The following WIPI2 variants were observed in gnomAD, a reference collection of about 807,000 sequenced individuals.
WIPI2 encodes WD repeat domain phosphoinositide-interacting protein 2.
In WIPI2, 28 loss-of-function variants were observed where a neutral mutation model predicts 52.3. The observed-to-expected ratio is 0.54, with a 90% CI of 0.40 to 0.73. The LOEUF (loss-of-function observed/expected upper bound fraction) is 0.73, where lower values mean the gene tolerates loss of function less well. Among genes scored for constraint, WIPI2 ranks in the 30% least tolerant of loss-of-function variants. The pLI is 0.00. For missense variants in WIPI2, 506 were observed against 602.9 expected (o/e 0.84, Z 1.68); for synonymous variants, 268 against 245.0 (o/e 1.09, Z -0.88).
At chr7:5,212,179 G>C (rs1021352191) in intron 3 of WIPI2, among the ~76,000 whole-genome samples, 1 of 152,180 alleles carries the variant, frequency 6.6e-6, no homozygotes, top group Non-Finnish European at 1.5e-5. Context: ...GTCTATGACA[G>C]GCGACATTAG....
chr7:5,205,166 G>T (rs1052180219), intron 3 of WIPI2, among the ~76,000 whole-genome samples: 1 of 152,156 alleles, frequency 6.6e-6, no homozygotes, highest in Non-Finnish European at 1.5e-5. Context: ...AGTAGAGACG[G>T]GGTTTCACCA....
intron 7 of WIPI2, among the ~76,000 whole-genome samples, chr7:5,219,570 C>G (rs555232279): frequency 6.6e-6 from 1 of 152,172 alleles, no homozygotes. Context: ...GGTGCTGAGG[C>G]CCCCTGAGGC....
chr7:5,192,526 C>G (rs1261810650), intron 1 of WIPI2, among the ~76,000 whole-genome samples: 1 of 152,224 alleles, frequency 6.6e-6, no homozygotes, highest in African/African-American at 2.4e-5. Flanking sequence ...CCTTTTCACA[C>G]TTGGACATTT....
intron 3 of WIPI2, 31 bp downstream of exon 3, chr7:5,199,689 A>T (rs1266223157): frequency 3.8e-5 from 9 of 237,468 alleles, no homozygotes; most frequent in Admixed American, 6.9e-5. Context: ...TCCCCTTCTT[A>T]AAAAAAAAAA....
Position 5,222,611 on chromosome 7 carries a change from A to G in WIPI2, c.679A>G (p.Ile227Val), listed in dbSNP as rs1433650632. ...LATASEKGTV[I>V]RVFSIPEGQK... ...TCTTTTCCTTCCACAGGGGACCGTG[A>G]TTAGGGTATTTTCCATTCCAGAAGG... is the stretch of plus-strand genomic sequence containing the variant. The change falls in exon 8 of 13, where the codon ATT (isoleucine) becomes GTT (valine). Residue 227 changes from isoleucine (I) to valine (V), a missense_variant. Physicochemically the swap from Ile to Val is conservative, Grantham distance 29. Around this residue, in one of 4 missense-constraint regions of WIPI2, gnomAD observed 237 missense variants for 346.9 expected, o/e 0.68. Coordinates refer to ENST00000288828, the MANE Select transcript of WIPI2 (RefSeq NM_015610.4). The G allele has an allele frequency of 6.2e-7, 1 of 1,613,810 alleles. No homozygotes were observed. Among genetic ancestry groups the G allele is most frequent in the Non-Finnish European group, 8.5e-7 (1 of 1,179,890 alleles).
intron 2 of WIPI2, among the ~76,000 whole-genome samples, chr7:5,198,550 G>C (rs1186603061): frequency 6.6e-6 from 1 of 152,112 alleles, no homozygotes; most frequent in East Asian, 1.9e-4. Context: ...CTGACCTCAA[G>C]TAATCTGCCC....
chr7:5,197,529 G>C (rs923262998), intron 2 of WIPI2, among the ~76,000 whole-genome samples: 12 of 152,062 alleles, frequency 7.9e-5, no homozygotes, highest in Non-Finnish European at 1.6e-4. Flanking sequence ...TAGTAAAGAA[G>C]CAAAAAATTT....
chr7:5,210,062 G>A (rs911232356), intron 3 of WIPI2, among the ~76,000 whole-genome samples: 1 of 151,728 alleles, frequency 6.6e-6, no homozygotes, highest in South Asian at 2.1e-4. Flanking sequence ...CGCCCACCGC[G>A]ATGCCCGGCT....
At position 5,230,402 on chromosome 7, in the gene WIPI2, A is replaced by G. The variant is rs1442557745; in HGVS notation, c.1253-433A>G. Among the ~76,000 whole-genome samples, 3 of 151,892 alleles carry G rather than the reference A, an allele frequency of 2.0e-5. No individual in the cohort carries two copies. The highest frequency in any genetic ancestry group is 2.0e-4 in the Admixed American group (3 of 15,240). ...CACCTTCTTAAAAAAGCCAACTCGC[A>G]CTCCAGTGGGAGAGCCTGTGGTTTT... On this transcript the variant is annotated intron_variant, in intron 12 of 12. Coordinates refer to ENST00000288828, the MANE Select transcript of WIPI2 (RefSeq NM_015610.4). This position sits in a 1 kb window ranked among gnomAD's most constrained non-coding sequence, Gnocchi z 4.8.
rs869261081 is a variant in WIPI2 at position 5,197,118 on chromosome 7, CA to C, written c.129-2430del. ...CAGAGCGGGACTCCGTCTCAAAAAA[CA>C]AAAAAAAAAAAAAAAAAAAAAAAAA... On this transcript the variant is annotated intron_variant, in intron 2 of 12. Transcript: ENST00000288828. Among the ~76,000 whole-genome samples, 146 of 41,450 alleles carry C rather than the reference CA, an allele frequency of 3.5e-3. 1 individual carries two copies. The highest frequency in any genetic ancestry group is 0.01 in the African/African-American group (132 of 13,084). 27.2% of individuals were successfully genotyped at this position (41,450 alleles called of 152,430 possible). A position where few individuals can be genotyped will look rare whatever the true frequency, so the allele number is the denominator to read the frequency against.
At chr7:5,220,386 G>A (rs1371172705) in intron 7 of WIPI2, among the ~76,000 whole-genome samples, 2 of 151,850 alleles carry the variant, frequency 1.3e-5, no homozygotes, top group African/African-American at 4.8e-5. Flanking sequence ...GAGATTACAA[G>A]CGCGCGCCAC....
At chr7:5,210,921 G>T (rs192659425) in intron 3 of WIPI2, among the ~76,000 whole-genome samples, 1 of 151,640 alleles carries the variant, frequency 6.6e-6, no homozygotes, top group Non-Finnish European at 1.5e-5. Context: ...CTCGCGGCTC[G>T]CATAGAACTC....
rs1782818051 is a variant in WIPI2, at chr7:5,216,467, A to G, written c.382-96A>G. ...AAATACAATAACAATAGAAGGAATG[A>G]GAGCGTCATAGTCCAGGAGTCAGTC... On this transcript the variant is annotated intron_variant, in intron 4 of 12. Coordinates refer to ENST00000288828, the MANE Select transcript of WIPI2 (RefSeq NM_015610.4). 3 of 920,268 alleles carry G rather than the reference A, an allele frequency of 3.3e-6. No homozygotes were observed. The East Asian group carries it at 7.4e-5, about 23-fold the overall frequency. The allele number at this position is 920,268 out of a possible 1,614,324, so 57.0% of individuals were successfully genotyped here.
intron 1 of WIPI2, among the ~76,000 whole-genome samples, chr7:5,192,496 C>T (rs941332607): frequency 3.3e-5 from 5 of 152,212 alleles, no homozygotes; most frequent in African/African-American, 1.2e-4. Flanking sequence ...AGAAGAGTGT[C>T]ACTCTGGCCT....
rs571735683 is a variant in WIPI2, at chr7:5,215,235, C to T, written c.381+531C>T. ...CTGAGGCAGGAAAATCGCTTGAACC[C>T]GGGAGTCGGAAGTTGCAGTGAGCCA... On this transcript the variant is annotated intron_variant, in intron 4 of 12. Transcript: ENST00000288828. 4.9e-4 allele frequency among the ~76,000 whole-genome samples: 72 copies of T among 147,628 alleles called. 1 individual carries two copies. The South Asian group carries it at 0.014, about 28-fold the overall frequency.
At chr7:5,215,622 C>T (rs1424544727) in intron 4 of WIPI2, among the ~76,000 whole-genome samples, 1 of 152,242 alleles carries the variant, frequency 6.6e-6, no homozygotes, top group Non-Finnish European at 1.5e-5. Flanking sequence ...TAGCTGCACC[C>T]TGAGATACAG....
intron 7 of WIPI2, among the ~76,000 whole-genome samples, chr7:5,219,201 C>T (rs1562401595): frequency 6.6e-6 from 1 of 151,926 alleles, no homozygotes; most frequent in Admixed American, 6.6e-5. Flanking sequence ...ATAGCAAGGG[C>T]TCAGAAAGGT....
chr7:5,193,833 C>G (rs1236894386), intron 2 of WIPI2, among the ~76,000 whole-genome samples: 2 of 152,196 alleles, frequency 1.3e-5, no homozygotes, highest in Non-Finnish European at 2.9e-5. Flanking sequence ...CTGCCTCAGC[C>G]TCCAGAGCAT....
chr7:5,220,019 A>G (rs1284880826), intron 7 of WIPI2, among the ~76,000 whole-genome samples: 1 of 152,000 alleles, frequency 6.6e-6, no homozygotes, highest in East Asian at 1.9e-4. Flanking sequence ...TACTTTTTGT[A>G]GAGATGGGGT....
Sources: gnomAD v4.1 joint callset for allele counts (sites outside exome capture counted in the v4.1 genomes callset) on GRCh38, gnomAD v4.1.1 for gene constraint, gnomAD v4.1.1 regional missense constraint, Gnocchi (gnomAD v3.1) non-coding constraint, MANE v1.5 for transcripts, NCBI Gene and HGNC (gene_info 2026-07-23, HGNC 2026-07-21) for gene names.